The following DGAT2 variants were observed in gnomAD, a reference collection of about 807,000 sequenced individuals.
DGAT2 encodes acyl-CoA retinol O-fatty-acyltransferase.
In DGAT2, 33 loss-of-function variants were observed where a neutral mutation model predicts 48.4. That is an observed-to-expected ratio of 0.68 (90% CI 0.52 to 0.91). The LOEUF is 0.91. Among genes scored for constraint, DGAT2 ranks in the 40% least tolerant of loss-of-function variants. The probability of loss-of-function intolerance (pLI) is 0.00; values close to 1 mark genes in which losing one functional copy is unlikely to be tolerated. For missense variants in DGAT2, 446 were observed against 493.7 expected (o/e 0.90, Z 0.92); for synonymous variants, 191 against 194.1 (o/e 0.98, Z 0.13).
chr11:75,781,047 A>G (rs1335484236), intron 1 of DGAT2, among the ~76,000 whole-genome samples: 1 of 152,238 alleles, frequency 6.6e-6, no homozygotes, highest in Non-Finnish European at 1.5e-5. Context: ...GTGATGGAGA[A>G]TCAGCTTGTA....
chr11:75,770,063 G>T (rs1220056267), intron 1 of DGAT2, among the ~76,000 whole-genome samples: 1 of 152,096 alleles, frequency 6.6e-6, no homozygotes, highest in Admixed American at 6.5e-5. Context: ...CTGGTAAATC[G>T]ACTATCCAAA....
At chr11:75,772,160 A>G (rs761343498) in intron 1 of DGAT2, among the ~76,000 whole-genome samples, 1 of 152,170 alleles carries the variant, frequency 6.6e-6, no homozygotes, top group Non-Finnish European at 1.5e-5. Flanking sequence ...GGTTGTCTCC[A>G]TGGTGCGGGT....
chr11:75,778,365 G>A (rs765724258), intron 1 of DGAT2, among the ~76,000 whole-genome samples: 13 of 152,044 alleles, frequency 8.6e-5, no homozygotes, highest in East Asian at 3.9e-4. Context: ...CCTCCTCTGC[G>A]CTACCATCAC....
At chr11:75,777,697 C>T (rs920256806) in intron 1 of DGAT2, among the ~76,000 whole-genome samples, 7 of 152,132 alleles carry the variant, frequency 4.6e-5, no homozygotes, top group African/African-American at 1.7e-4. Context: ...ATGTCCCCTG[C>T]CAGATGCCAG....
intron 7 of DGAT2, among the ~76,000 whole-genome samples, chr11:75,799,636 CAG>C (rs1319184706): frequency 3.3e-5 from 5 of 150,576 alleles, no homozygotes; most frequent in African/African-American, 9.8e-5. Flanking sequence ...ATTTTTGAGA[CAG>C]GGTCTCATTC....
In DGAT2 at chr11:75,782,820, G is replaced by T. The variant is rs150029327; in HGVS notation, c.122-1798G>T. Among the ~76,000 whole-genome samples, 10 of 152,334 alleles carry T rather than the reference G, an allele frequency of 6.6e-5. No individual in the cohort carries two copies. The East Asian group carries it at 1.9e-3, about 29-fold the overall frequency. Reference sequence around the variant, plus strand: ...GGGAAAGGGGAGGTCCTCTAAGCAGGGTCAGGAATGCTGGGTTTCAGTCCT... The same window carrying T: ...GGGAAAGGGGAGGTCCTCTAAGCAGTGTCAGGAATGCTGGGTTTCAGTCCT... On this transcript the variant is annotated intron_variant, in intron 1 of 7. Coordinates refer to ENST00000228027, the MANE Select transcript of DGAT2 (RefSeq NM_032564.5).
At chr11:75,783,460 A>G (rs911721390) in intron 1 of DGAT2, among the ~76,000 whole-genome samples, 5 of 152,144 alleles carry the variant, frequency 3.3e-5, no homozygotes, top group Non-Finnish European at 4.4e-5. Context: ...GTAGGCCCCT[A>G]AATCCGTCTT....
At chr11:75,773,517 T>C (rs1944777395) in intron 1 of DGAT2, among the ~76,000 whole-genome samples, 1 of 152,208 alleles carries the variant, frequency 6.6e-6, no homozygotes, top group Non-Finnish European at 1.5e-5. Context: ...GATGGAGGGT[T>C]TGAGTTAACC....
At chr11:75,798,073 T>C (rs944620998) in intron 6 of DGAT2, among the ~76,000 whole-genome samples, 154 bp from the exon 7 acceptor site, 1 of 152,018 alleles carries the variant, frequency 6.6e-6, no homozygotes, top group African/African-American at 2.4e-5. Context: ...CAGAACCTGG[T>C]AGAGAGGGAT....
intron 4 of DGAT2, among the ~76,000 whole-genome samples, chr11:75,791,946 G>T (rs942556343): frequency 6.6e-6 from 1 of 152,232 alleles, no homozygotes; most frequent in African/African-American, 2.4e-5. Flanking sequence ...CTGCAAAATG[G>T]AGCTGTCTGT....
chr11:75,775,393 G>T (rs771850924), intron 1 of DGAT2, among the ~76,000 whole-genome samples: 1 of 152,234 alleles, frequency 6.6e-6, no homozygotes. Context: ...CAGTAGTTTG[G>T]CTTCCCCTTT....
chr11:75,787,282 C>T (rs1436987448), intron 2 of DGAT2, among the ~76,000 whole-genome samples: 1 of 152,180 alleles, frequency 6.6e-6, no homozygotes, highest in Non-Finnish European at 1.5e-5. Flanking sequence ...GTTCAAACAT[C>T]ATATTTAATT....
Position 75,787,021 on chromosome 11 carries a change from A to G in DGAT2, c.250+2275A>G, listed in dbSNP as rs1264399564. 2.0e-5 allele frequency among the ~76,000 whole-genome samples: 3 copies of G among 152,268 alleles called. 1 individual carries two copies. The highest frequency in any genetic ancestry group is 4.4e-5 in the Non-Finnish European group (3 of 68,048). ...AGTAAATAAAAAGATCTAGCAGCAC[A>G]TGTAATAATTACTATAGTTCTTAAG... is the stretch of plus-strand genomic sequence containing the variant. On this transcript the variant is annotated intron_variant, in intron 2 of 7. Transcript: ENST00000228027.
chr11:75,786,216 A>G (rs1944921240), intron 2 of DGAT2, among the ~76,000 whole-genome samples: 1 of 152,222 alleles, frequency 6.6e-6, no homozygotes, highest in Non-Finnish European at 1.5e-5. Context: ...TCAGACCCCT[A>G]ACATGGCTTG....
At chr11:75,787,178 G>A (rs1944931012) in intron 2 of DGAT2, among the ~76,000 whole-genome samples, 1 of 152,194 alleles carries the variant, frequency 6.6e-6, no homozygotes, top group African/African-American at 2.4e-5. Flanking sequence ...GGTAAGTGAA[G>A]GAAATGCCAC....
Position 75,796,389 on chromosome 11 carries a change from G to A in DGAT2, c.491G>A (p.Gly164Asp). Residue 164 changes from glycine (G) to aspartate (D), a missense_variant, in exon 5 of 8, where the codon GGT (glycine) becomes GAT (aspartate). Transcript: ENST00000228027. The stretch of plus-strand genomic sequence containing the variant: ...TATATCTTTGGATACCACCCCCATG[G>A]TATCATGGGCCTGGGTGCCTTCTGC... ...RNYIFGYHPH[G>D]IMGLGAFCNF... 6.2e-7 allele frequency: 1 copy of A among 1,614,114 alleles called. No homozygotes were observed. The highest frequency in any genetic ancestry group is 8.5e-7 in the Non-Finnish European group (1 of 1,180,018).
At chr11:75,791,497 AC>A (rs1219357326) in intron 4 of DGAT2, among the ~76,000 whole-genome samples, 5 of 152,094 alleles carry the variant, frequency 3.3e-5, no homozygotes, top group Non-Finnish European at 7.4e-5. Flanking sequence ...GCATCATAGG[AC>A]CCAACCCTCT....
At chr11:75,790,580 G>T in intron 3 of DGAT2, 81 bp from the exon 4 acceptor site, 1 of 1,321,354 alleles carries the variant, frequency 7.6e-7, no homozygotes, top group Non-Finnish European at 1.1e-6. Flanking sequence ...CACCTGCTTG[G>T]GTTTCACACT....
In DGAT2 at chr11:75,797,040, C is replaced by T. The variant is rs906186687; in HGVS notation, c.635-118C>T. 4 of 1,018,006 alleles carry T rather than the reference C, an allele frequency of 3.9e-6. No individual in the cohort carries two copies. In the African/African-American group the frequency reaches 5.0e-5, roughly 13 times the overall value. The allele number at this position is 1,018,006 out of a possible 1,614,324, so 63.1% of individuals were successfully genotyped here. On this transcript the variant is annotated intron_variant, in intron 5 of 7. Coordinates refer to ENST00000228027, the MANE Select transcript of DGAT2 (RefSeq NM_032564.5). ...ACAGAACCAGACAACTCCAAAGGGG[C>T]TGGGCTAGGTCTGGGGCCCAGGTCC...
Sources: allele counts gnomAD v4.1 joint callset (sites outside exome capture counted in the v4.1 genomes callset), GRCh38; gene constraint gnomAD v4.1.1; transcripts MANE v1.5; gene names NCBI Gene and HGNC (gene_info 2026-07-23, HGNC 2026-07-21).